Variants in KBTBD3 observed in about 807,000 individuals in gnomAD.
The protein encoded by KBTBD3 is kelch repeat and BTB domain-containing protein 3.
In KBTBD3, 38 loss-of-function variants were observed where a neutral mutation model predicts 49.6. The observed-to-expected ratio is 0.77, with a 90% CI of 0.59 to 1.00. The LOEUF (loss-of-function observed/expected upper bound fraction) is 1.00, where lower values mean the gene tolerates loss of function less well. KBTBD3 is among the 50% of genes least tolerant of loss of function. KBTBD3 has a pLI of 0.00. For synonymous variants in KBTBD3, 214 were observed against 250.4 expected (o/e 0.85, Z 1.37); for missense variants, 661 against 712.0 (o/e 0.93, Z 0.81).
intron 2 of KBTBD3, among the ~76,000 whole-genome samples, chr11:106,060,441 T>A (rs1804971416): frequency 6.6e-6 from 1 of 152,192 alleles, no homozygotes; most frequent in Admixed American, 6.5e-5. Context: ...GATTCTCATA[T>A]CTGCTTCTTT....
Position 106,059,002 on chromosome 11 carries a change from T to C in KBTBD3, c.96A>G (p.Glu32=). The C allele has an allele frequency of 6.4e-7, 1 of 1,560,938 alleles. No homozygotes were observed. Residue 32 remains glutamate (E), a synonymous_variant, in exon 3 of 4, where the codon GAA becomes GAG. Coordinates refer to ENST00000531837, the MANE Select transcript of KBTBD3 (RefSeq NM_198439.3). The part of the protein sequence containing the change: ...SEKKNNFLVS[E]DHGQKILSVL... The stretch of plus-strand genomic sequence containing the variant: ...CACTTAAGATTTTTTGTCCATGATC[T>C]TCTGATACAAGGAAGTTGTTTTTCT...
intron 2 of KBTBD3, among the ~76,000 whole-genome samples, chr11:106,068,405 A>C (rs1158666899): frequency 6.6e-6 from 1 of 152,200 alleles, no homozygotes; most frequent in Admixed American, 6.5e-5. Context: ...CATGGATCAA[A>C]GAGAAAGTTT....
Position 106,053,784 on chromosome 11 carries a change from G to A in KBTBD3, c.905C>T (p.Thr302Ile). The A allele has an allele frequency of 6.2e-7, 1 of 1,613,858 alleles. No homozygotes were observed. Among genetic ancestry groups the A allele is most frequent in the Non-Finnish European group, 8.5e-7 (1 of 1,179,888 alleles). ...TTEKYIFIHKTEENGENQYTF... is the reference protein window; with the variant it reads ...TTEKYIFIHKIEENGENQYTF... ...ATATTGATTTTCTCCATTTTCCTCA[G>A]TTTTGTGAATGAATATGTATTTCTC... The change falls in exon 4 of 4, where the codon ACT becomes ATT. Residue 302 changes from threonine to isoleucine, a missense_variant. Physicochemically the swap from Thr to Ile is moderately conservative, Grantham distance 89. Transcript: ENST00000531837.
In KBTBD3 at chr11:106,053,525, A is replaced by T. The variant is rs758867323; in HGVS notation, c.1164T>A (p.Thr388=). 31 of 1,613,766 alleles carry T rather than the reference A, an allele frequency of 1.9e-5. No homozygotes were observed. The highest frequency in any genetic ancestry group is 3.3e-4 in the Middle Eastern group (2 of 6,062). ...PVKNDFFLVS[T]MKTPRTMHTS... is the part of the protein sequence containing the mutation. ...TATGCATGGTTCTTGGTGTTTTCAT[A>T]GTTGATACCAAGAAGAAATCATTTT... The change falls in exon 4 of 4, where the codon ACT becomes ACA. Residue 388 remains threonine (T), a synonymous_variant. Transcript: ENST00000531837.
Position 106,053,132 on chromosome 11 carries a change from A to G in KBTBD3, c.1557T>C (p.Tyr519=). ...CTLYICDLST[Y]KVYSFCPDTC... ...TGTCTGGACAAAAACTATAAACCTT[A>G]TAGGTGGAAAGGTCACATATATACA... The change falls in exon 4 of 4, where the codon TAT becomes TAC. Residue 519 remains tyrosine, a synonymous_variant. Coordinates refer to ENST00000531837, the MANE Select transcript of KBTBD3 (RefSeq NM_198439.3). 1 of 1,613,680 alleles carries G rather than the reference A, an allele frequency of 6.2e-7. No individual in the cohort carries two copies. Among genetic ancestry groups the G allele is most frequent in the Non-Finnish European group, 8.5e-7 (1 of 1,179,818 alleles).
chr11:106,055,417 A>G (rs1402712025), intron 3 of KBTBD3, among the ~76,000 whole-genome samples: 1 of 152,190 alleles, frequency 6.6e-6, no homozygotes, highest in East Asian at 1.9e-4. Context: ...ATCAGAGTCT[A>G]CTCAAGAAGG....
At chr11:106,056,415 A>T (rs1860553716) in intron 3 of KBTBD3, among the ~76,000 whole-genome samples, 1 of 152,220 alleles carries the variant, frequency 6.6e-6, no homozygotes, top group South Asian at 2.1e-4. Flanking sequence ...TTATATGTAA[A>T]TTGAATAAAA....
At chr11:106,057,946 G>A in intron 3 of KBTBD3, 1 of 397,646 alleles carries the variant, frequency 2.5e-6, no homozygotes, top group Non-Finnish European at 4.4e-6. Context: ...TACAACACAG[G>A]GATCCCCCAA....
In KBTBD3 at chr11:106,067,387, T is replaced by C. The variant is rs1591537960; in HGVS notation, c.-12-8278A>G. The stretch of plus-strand genomic sequence containing the variant: ...GGGAGGCCGAGGAGGGCAGATTACC[T>C]GAGGTCAGGAGTTCAAGACCATCTT... On this transcript the variant is annotated intron_variant, in intron 2 of 3. Transcript: ENST00000531837. 3.9e-5 allele frequency among the ~76,000 whole-genome samples: 6 copies of C among 152,258 alleles called. No individual in the cohort carries two copies. In the South Asian group the frequency reaches 1.2e-3, roughly 32 times the overall value.
At chr11:106,055,785 T>C (rs538988161) in intron 3 of KBTBD3, among the ~76,000 whole-genome samples, 22 of 152,196 alleles carry the variant, frequency 1.4e-4, no homozygotes, top group Non-Finnish European at 2.8e-4. Flanking sequence ...AATAAATGGG[T>C]TAACTGATGC....
intron 3 of KBTBD3, among the ~76,000 whole-genome samples, chr11:106,056,982 G>A (rs1019197905): frequency 2.6e-5 from 4 of 152,132 alleles, no homozygotes; most frequent in African/African-American, 9.7e-5. Context: ...GAACAACTTT[G>A]ATTAACTGAG....
At chr11:106,069,249 A>G (rs986418542) in intron 2 of KBTBD3, among the ~76,000 whole-genome samples, 1 of 152,110 alleles carries the variant, frequency 6.6e-6, no homozygotes, top group South Asian at 2.1e-4. Context: ...CAAGCACACT[A>G]AAACAAGAAA....
intron 2 of KBTBD3, among the ~76,000 whole-genome samples, chr11:106,060,456 A>C (rs980638780): frequency 6.6e-6 from 1 of 152,110 alleles, no homozygotes; most frequent in South Asian, 2.1e-4. Context: ...TTCTTTATTC[A>C]ATCTTTTGTG....
At chr11:106,059,993 C>A (rs2135005037) in intron 2 of KBTBD3, among the ~76,000 whole-genome samples, 1 of 152,254 alleles carries the variant, frequency 6.6e-6, no homozygotes, top group African/African-American at 2.4e-5. Context: ...GGTGATGATT[C>A]TTGCTTGGGA....
In KBTBD3 at chr11:106,053,834, G is replaced by T; in HGVS notation, c.855C>A (p.Phe285Leu). 2 of 1,613,920 alleles carry T rather than the reference G, an allele frequency of 1.2e-6. No homozygotes were observed. Among genetic ancestry groups the T allele is most frequent in the Non-Finnish European group, 1.7e-6 (2 of 1,179,888 alleles). ...CAGTTGTGGATGGTCGAGCATCAGG[G>T]AAGAGTCCACCAGAACCTTGCACAC... ...IKCVQGSGGL[F>L]PDARPSTTEK... The change falls in exon 4 of 4, where the codon TTC becomes TTA. Residue 285 changes from phenylalanine to leucine, a missense_variant. Transcript: ENST00000531837.
In KBTBD3 at chr11:106,053,715, G is replaced by T; in HGVS notation, c.974C>A (p.Pro325Gln). 6.2e-7 allele frequency: 1 copy of T among 1,613,492 alleles called. No homozygotes were observed. The change falls in exon 4 of 4, where the codon CCG (proline) becomes CAG (glutamine). Residue 325 changes from proline (P) to glutamine (Q), a missense_variant. Pro to Gln is a moderately conservative substitution (Grantham distance 76, BLOSUM62 -1). Transcript: ENST00000531837. ...NIKSDSWKIL[P>Q]QSHLIDLPGS... is the part of the protein sequence containing the mutation. ...TGGCAAATCAATCAGGTGTGATTGC[G>T]GCAGTATTTTCCATGAATCAGATTT...
intron 2 of KBTBD3, among the ~76,000 whole-genome samples, chr11:106,069,509 C>CAA (rs981867484): frequency 7.3e-6 from 1 of 136,242 alleles, no homozygotes; most frequent in Non-Finnish European, 1.6e-5. Context: ...TATAATAGTT[C>CAA]AAAAAAAAAA....
chr11:106,053,376 C>CAT lies in KBTBD3; in HGVS notation c.1312_1313insAT (p.Ser438AsnfsTer19). 1 of 1,613,236 alleles carries CAT rather than the reference C, an allele frequency of 6.2e-7. No homozygotes were observed. The highest frequency in any genetic ancestry group is 8.5e-7 in the Non-Finnish European group (1 of 1,179,784). ...ATAGTATATGCCTCTGGGTAATGGG[C>CAT]TAACAGATATCCATTCTTTGGAAAG... On this transcript the variant is annotated frameshift_variant, in exon 4 of 4. Transcript: ENST00000531837. LOFTEE classifies it high-confidence loss of function.
At chr11:106,067,215 G>C (rs918396980) in intron 2 of KBTBD3, among the ~76,000 whole-genome samples, 10 of 152,192 alleles carry the variant, frequency 6.6e-5, no homozygotes, top group Non-Finnish European at 2.9e-5. Context: ...GTACAACGGA[G>C]AGCCTAGAAT....
Sources: allele counts gnomAD v4.1 joint callset (sites outside exome capture counted in the v4.1 genomes callset), GRCh38; gene constraint gnomAD v4.1.1; transcripts MANE v1.5; gene names NCBI Gene and HGNC (gene_info 2026-07-23, HGNC 2026-07-21).